The following GRIK2 variants were observed in gnomAD, a reference collection of about 807,000 sequenced individuals.
GRIK2 encodes glutamate receptor ionotropic, kainate 2.
Under a neutral mutation model 100.3 loss-of-function variants are expected in GRIK2, and 32 were observed. The observed-to-expected ratio is 0.32, with a 90% CI of 0.24 to 0.43. The LOEUF is 0.43. GRIK2 is among the 20% of genes least tolerant of loss of function. The probability of loss-of-function intolerance (pLI) is 1.00; values close to 1 mark genes in which losing one functional copy is unlikely to be tolerated. For missense variants in GRIK2, 843 were observed against 1,114.9 expected, an observed-to-expected ratio of 0.76 and a Z score of 3.47; for synonymous variants, 417 against 389.4, an observed-to-expected ratio of 1.07 and a Z score of -0.83.
chr6:101,601,904 T>A (rs1317063732), intron 2 of GRIK2, among the ~76,000 whole-genome samples: 1 of 151,732 alleles, frequency 6.6e-6, no homozygotes, highest in East Asian at 1.9e-4. Context: ...TGATTTTTTA[T>A]GTATGGGCTT....
At chr6:102,053,833 T>C (rs1477360174) in intron 15 of GRIK2, among the ~76,000 whole-genome samples, 1 of 152,058 alleles carries the variant, frequency 6.6e-6, no homozygotes, top group African/African-American at 2.4e-5. Context: ...TAAATAATAA[T>C]ACCAGGGAAC....
intron 2 of GRIK2, among the ~76,000 whole-genome samples, chr6:101,446,547 T>A (rs967444864): frequency 5.9e-5 from 9 of 151,898 alleles, no homozygotes; most frequent in African/African-American, 1.7e-4. Flanking sequence ...AGCATAAAAT[T>A]GTCATCTTGT....
At chr6:101,751,635 G>A (rs1776794966) in intron 7 of GRIK2, among the ~76,000 whole-genome samples, 1 of 151,938 alleles carries the variant, frequency 6.6e-6, no homozygotes, top group Admixed American at 6.6e-5. Context: ...TTTGGAATAG[G>A]GATTCAAATA....
At chr6:101,477,509 T>C (rs952761349) in intron 2 of GRIK2, among the ~76,000 whole-genome samples, 3 of 151,826 alleles carry the variant, frequency 2.0e-5, no homozygotes, top group African/African-American at 7.2e-5. Flanking sequence ...AACATGGGAG[T>C]CAGGGCAGAA....
intron 2 of GRIK2, among the ~76,000 whole-genome samples, chr6:101,419,813 T>C (rs897648730): frequency 7.2e-5 from 11 of 152,200 alleles, no homozygotes; most frequent in African/African-American, 2.4e-4. Flanking sequence ...TTCACTACTG[T>C]TTGATTGGGA....
At chr6:101,499,340 A>C (rs9404113) in intron 2 of GRIK2, among the ~76,000 whole-genome samples, 2 of 151,968 alleles carry the variant, frequency 1.3e-5, no homozygotes, top group Non-Finnish European at 2.9e-5. Context: ...TTGAAAGAAA[A>C]AGTACTCTTT....
intron 4 of GRIK2, among the ~76,000 whole-genome samples, chr6:101,631,933 G>C (rs1364126285): frequency 6.6e-6 from 1 of 151,992 alleles, no homozygotes; most frequent in Non-Finnish European, 1.5e-5. Context: ...ACAATGCTTA[G>C]TGTGATGTAG....
chr6:101,518,965 C>T (rs2128280697), intron 2 of GRIK2, among the ~76,000 whole-genome samples: 1 of 152,236 alleles, frequency 6.6e-6, no homozygotes, highest in South Asian at 2.1e-4. Flanking sequence ...CCAGTCGAGA[C>T]TGTTAGAACT....
At chr6:102,029,408 A>G (rs1197149558) in intron 14 of GRIK2, among the ~76,000 whole-genome samples, 2 of 151,180 alleles carry the variant, frequency 1.3e-5, no homozygotes, top group Non-Finnish European at 3.0e-5. Context: ...TTTGCATACA[A>G]CTTTCATATT....
At chr6:102,016,753 T>C (rs1795856426) in intron 14 of GRIK2, among the ~76,000 whole-genome samples, 1 of 151,968 alleles carries the variant, frequency 6.6e-6, no homozygotes. Flanking sequence ...AGGCCAACAA[T>C]CAAATTCAGG....
At chr6:101,820,674 C>A (rs1225024632) in intron 10 of GRIK2, among the ~76,000 whole-genome samples, 2 of 152,140 alleles carry the variant, frequency 1.3e-5, no homozygotes, top group African/African-American at 4.8e-5. Context: ...GATCTCTTGA[C>A]CTCGTGATCC....
intron 7 of GRIK2, among the ~76,000 whole-genome samples, chr6:101,724,448 C>T (rs375646903): frequency 2.6e-5 from 4 of 151,786 alleles, no homozygotes; most frequent in Non-Finnish European, 4.4e-5. Context: ...ATGTGGTACT[C>T]GGTTTTCTGT....
At chr6:101,729,408 A>T (rs1775098910) in intron 7 of GRIK2, among the ~76,000 whole-genome samples, 1 of 151,874 alleles carries the variant, frequency 6.6e-6, no homozygotes, top group African/African-American at 2.4e-5. Flanking sequence ...TAATTTTATC[A>T]TTTTGCCATC....
At chr6:101,896,403 G>C (rs1488856529) in intron 12 of GRIK2, among the ~76,000 whole-genome samples, 2 of 151,724 alleles carry the variant, frequency 1.3e-5, no homozygotes, top group Non-Finnish European at 3.0e-5. Context: ...AGAAAAAATT[G>C]AGTAAGACAA....
At chr6:102,021,421 A>G (rs569199177) in intron 14 of GRIK2, among the ~76,000 whole-genome samples, 1 of 129,318 alleles carries the variant, frequency 7.7e-6, no homozygotes, top group South Asian at 2.3e-4. Context: ...TTATGTAAAT[A>G]TATTACAAAT....
intron 8 of GRIK2, among the ~76,000 whole-genome samples, chr6:101,800,390 A>T (rs73512739): frequency 1.3e-5 from 2 of 151,878 alleles, no homozygotes; most frequent in South Asian, 2.1e-4. Context: ...ACATATATAC[A>T]TGCATATATA....
At chr6:101,710,778 C>T (rs1370439935) in intron 7 of GRIK2, among the ~76,000 whole-genome samples, 2 of 151,336 alleles carry the variant, frequency 1.3e-5, no homozygotes, top group South Asian at 2.1e-4. Flanking sequence ...TGTTGAAGCA[C>T]CAGGGTGGAA....
chr6:101,476,945 C>G (rs545328500), intron 2 of GRIK2, among the ~76,000 whole-genome samples: 3 of 152,064 alleles, frequency 2.0e-5, no homozygotes, highest in Admixed American at 2.0e-4. Flanking sequence ...TTAAAATATT[C>G]GAGTCTTAAG....
intron 9 of GRIK2, among the ~76,000 whole-genome samples, chr6:101,818,154 A>G (rs1289197736): frequency 6.6e-6 from 1 of 152,190 alleles, no homozygotes; most frequent in African/African-American, 2.4e-5. Context: ...CTGACTGGAG[A>G]AGTTCAGTGG....
Sources: allele counts gnomAD v4.1 joint callset (sites outside exome capture counted in the v4.1 genomes callset), GRCh38; gene constraint gnomAD v4.1.1; transcripts MANE v1.5; gene names NCBI Gene and HGNC (gene_info 2026-07-23, HGNC 2026-07-21).